Variants in TANC1 observed in about 807,000 individuals in gnomAD.
TANC1 encodes protein TANC1.
In TANC1, 77 loss-of-function variants were observed where a neutral mutation model predicts 149.7. The ratio of observed to expected loss-of-function variants is 0.51; its 90% CI spans 0.43 to 0.62. The LOEUF (loss-of-function observed/expected upper bound fraction) is 0.62. Ranked by LOEUF, TANC1 falls within the 20% of genes least tolerant of loss-of-function variation. The pLI is 0.00. For missense variants in TANC1, 1,985 were observed against 2,321.8 expected (o/e 0.85, Z 2.98); for synonymous variants, 854 against 925.0 (o/e 0.92, Z 1.39).
At chr2:159,214,983 T>G (rs2059253150) in intron 19 of TANC1, among the ~76,000 whole-genome samples, 1 of 152,276 alleles carries the variant, frequency 6.6e-6, no homozygotes, top group East Asian at 1.9e-4. Flanking sequence ...CTCCCTGGGC[T>G]GCCATGTAAA....
Position 158,991,091 on chromosome 2 carries a change from CAA to C in TANC1, c.-125-9966_-125-9965del, listed in dbSNP as rs34411224. On this transcript the variant is annotated intron_variant, in intron 1 of 26. Coordinates refer to ENST00000263635, the MANE Select transcript of TANC1 (RefSeq NM_033394.3). ...TGGGTGACAGAGCCAGATCCTGTGT[CAA>C]AAAAAAAAAAAAAAAAAAAAAAGTA... Among the ~76,000 whole-genome samples the C allele has an allele frequency of 1.4e-3, 99 of 70,168 alleles. 1 individual carries two copies. Among genetic ancestry groups the C allele is most frequent in the South Asian group, 8.5e-3 (15 of 1,758 alleles). The allele number at this position is 70,168 out of a possible 152,430, so 46.0% of individuals were successfully genotyped here. A position where few individuals can be genotyped will look rare whatever the true frequency, so the allele number is the denominator to read the frequency against.
At chr2:159,069,765 C>CTTTTTTT (rs67843631) in intron 3 of TANC1, among the ~76,000 whole-genome samples, 3 of 109,366 alleles carry the variant, frequency 2.7e-5, no homozygotes, top group Non-Finnish European at 1.8e-5. Context: ...TATGTGCAAG[C>CTTTTTTT]TTTTTTTTTT....
In TANC1 at chr2:159,169,306, C is replaced by T. The variant is rs758257869; in HGVS notation, c.1003C>T (p.Pro335Ser). 1 of 1,612,942 alleles carries T rather than the reference C, an allele frequency of 6.2e-7. No individual in the cohort carries two copies. The highest frequency in any genetic ancestry group is 8.5e-7 in the Non-Finnish European group (1 of 1,178,974). ...LSYLDGQRNAPLRTSIRLPWH... is the reference protein window; with the variant it reads ...LSYLDGQRNASLRTSIRLPWH... ...TTATTTAGACGGGCAGAGAAATGCTCCTCTACGGACGTCAATTAGATTACC... is the reference window on the plus strand; with the variant it reads ...TTATTTAGACGGGCAGAGAAATGCTTCTCTACGGACGTCAATTAGATTACC... Residue 335 changes from proline to serine, a missense_variant, in exon 9 of 27, where the codon CCT becomes TCT. Coordinates refer to ENST00000263635, the MANE Select transcript of TANC1 (RefSeq NM_033394.3).
intron 3 of TANC1, among the ~76,000 whole-genome samples, chr2:159,074,101 G>T (rs2043414001): frequency 6.6e-6 from 1 of 152,176 alleles, no homozygotes; most frequent in African/African-American, 2.4e-5. Context: ...CAGCATCTGT[G>T]TGTCTTCTCT....
chr2:159,053,751 C>T (rs2041641328), intron 2 of TANC1, among the ~76,000 whole-genome samples: 1 of 152,160 alleles, frequency 6.6e-6, no homozygotes, highest in Non-Finnish European at 1.5e-5. Flanking sequence ...GGAATAGGGG[C>T]AGCATTGTTT....
chr2:159,117,945 GTTTTTCTC>G (rs2048455777), intron 4 of TANC1, among the ~76,000 whole-genome samples: 1 of 34,512 alleles, frequency 2.9e-5, no homozygotes, highest in East Asian at 5.3e-4. Context: ...CTGTACTGGA[GTTTTTCTC>G]TACTGGAGTT....
chr2:159,220,238 A>T (rs2059615716), intron 22 of TANC1, among the ~76,000 whole-genome samples: 1 of 151,452 alleles, frequency 6.6e-6, no homozygotes, highest in African/African-American at 2.4e-5. Flanking sequence ...AACTACTTTT[A>T]TATATGGTAA....
chr2:159,145,023 A>G (rs1330735185), intron 5 of TANC1, among the ~76,000 whole-genome samples: 1 of 148,140 alleles, frequency 6.8e-6, no homozygotes, highest in Non-Finnish European at 1.5e-5. Context: ...TCTGAGGAGG[A>G]CGAGAATGGA....
intron 4 of TANC1, among the ~76,000 whole-genome samples, chr2:159,130,374 G>T (rs75090658): frequency 6.6e-6 from 1 of 152,220 alleles, no homozygotes; most frequent in Non-Finnish European, 1.5e-5. Flanking sequence ...ACAAAAAGTT[G>T]TGAGGGGAAG....
intron 14 of TANC1, among the ~76,000 whole-genome samples, chr2:159,181,939 G>A (rs540192316): frequency 3.3e-5 from 5 of 152,172 alleles, no homozygotes; most frequent in East Asian, 1.9e-4. Context: ...GGTGGCTTAC[G>A]TGCGTAATCC....
chr2:159,129,129 A>G (rs950060223), intron 4 of TANC1, among the ~76,000 whole-genome samples: 5 of 152,172 alleles, frequency 3.3e-5, no homozygotes, highest in Non-Finnish European at 7.3e-5. Context: ...TGAAAAATGT[A>G]AGATCCACTT....
Position 158,990,231 on chromosome 2 carries a change from C to T in TANC1, c.-125-10849C>T, listed in dbSNP as rs568447894. ...GATTACAGGCGTGAGCCACAGCACC[C>T]GGCCAAAATGGGGATCATTTTACAA... On this transcript the variant is annotated intron_variant, in intron 1 of 26. Coordinates refer to ENST00000263635, the MANE Select transcript of TANC1 (RefSeq NM_033394.3). 3.0e-4 allele frequency among the ~76,000 whole-genome samples: 45 copies of T among 152,182 alleles called. 1 individual carries two copies. Among genetic ancestry groups the T allele is most frequent in the South Asian group, 1.0e-3 (5 of 4,808 alleles).
intron 4 of TANC1, among the ~76,000 whole-genome samples, chr2:159,135,715 C>T (rs1004212143): frequency 1.6e-4 from 25 of 152,360 alleles, no homozygotes; most frequent in Admixed American, 6.5e-4. Context: ...GTTGCTGTTA[C>T]AGGCCGGCTG....
rs1574275290 is a variant in TANC1, at chr2:159,038,897, T to C, written c.-15-26999T>C. On this transcript the variant is annotated intron_variant, in intron 2 of 26. Transcript: ENST00000263635. ...TTAGGGAAGATTCCCTCTTTTTCTA[T>C]TGATTGGAATTAGTTTCAGAAGGAA... Among the ~76,000 whole-genome samples the C allele has an allele frequency of 3.3e-5, 5 of 152,192 alleles. No individual in the cohort carries two copies. In the South Asian group the frequency reaches 1.0e-3, roughly 32 times the overall value.
rs752517351 is a variant in TANC1, at chr2:159,170,536, C to T, written c.1082C>T (p.Pro361Leu). The change falls in exon 10 of 27, where the codon CCC becomes CTC. Residue 361 changes from proline to leucine, a missense_variant. By Grantham distance (98) the Pro-to-Leu change is moderately conservative. Transcript: ENST00000263635. ...RAQEVKARFAPYKPQDILLKP... is the reference protein window; with the variant it reads ...RAQEVKARFALYKPQDILLKP... ...TCTTCTTTTGAAGCACGATTTGCTC[C>T]CTACAAGCCACAAGACATTTTGTTG... The T allele has an allele frequency of 1.3e-6, 2 of 1,594,010 alleles. No homozygotes were observed. The highest frequency in any genetic ancestry group is 1.7e-6 in the Non-Finnish European group (2 of 1,166,798).
chr2:159,041,410 C>T (rs947466704), intron 2 of TANC1, among the ~76,000 whole-genome samples: 1 of 152,216 alleles, frequency 6.6e-6, no homozygotes. Context: ...CAGAGGCAGG[C>T]AGGCCTCCTT....
At chr2:159,046,815 G>A (rs2041096826) in intron 2 of TANC1, among the ~76,000 whole-genome samples, 1 of 151,624 alleles carries the variant, frequency 6.6e-6, no homozygotes, top group Admixed American at 6.6e-5. Context: ...TGTTACCCAG[G>A]CTGGTCTCAA....
chr2:159,134,606 C>T (rs1272214036), intron 4 of TANC1, among the ~76,000 whole-genome samples: 1 of 152,206 alleles, frequency 6.6e-6, no homozygotes, highest in Non-Finnish European at 1.5e-5. Context: ...CCTCAGCCTC[C>T]TGAGTAGCTG....
chr2:159,224,163 C>T, intron 22 of TANC1, 69 bp from the exon 23 acceptor site: 1 of 1,592,146 alleles, frequency 6.3e-7, no homozygotes, highest in African/African-American at 1.3e-5. Context: ...AGACTGCCCA[C>T]CCCTAAATCC....
Sources: gnomAD v4.1 joint callset for allele counts (sites outside exome capture counted in the v4.1 genomes callset) on GRCh38, gnomAD v4.1.1 for gene constraint, MANE v1.5 for transcripts, NCBI Gene and HGNC (gene_info 2026-07-23, HGNC 2026-07-21) for gene names.